NOMO1: variants seen among roughly 807,000 people sequenced by gnomAD.
The protein encoded by NOMO1 is nodal modulator 3.
NOMO1 carries 40 observed loss-of-function variants against 133.8 expected under a neutral mutation model. That is an observed-to-expected ratio of 0.30 (90% CI 0.23 to 0.39). The LOEUF (loss-of-function observed/expected upper bound fraction) is 0.39, where lower values mean the gene tolerates loss of function less well. Among genes scored for constraint, NOMO1 ranks in the 10% least tolerant of loss-of-function variants. NOMO1 has a pLI of 1.00. For synonymous variants in NOMO1, 236 were observed against 570.5 expected (o/e 0.41, Z 8.36); for missense variants, 462 against 1,419.9 (o/e 0.33, Z 10.84).
intron 15 of NOMO1, among the ~76,000 whole-genome samples, chr16:14,867,398 A>G (rs1438822892): frequency 1.7e-5 from 1 of 60,320 alleles, no homozygotes; most frequent in African/African-American, 4.1e-5. Flanking sequence ...ACAGAGTTCC[A>G]CCATGTTGGC....
rs747642277 is a variant in NOMO1 at position 14,838,533 on chromosome 16, C to T, written c.255+37C>T. ...CTGCTTGTCACTTATGATGGGAAAT[C>T]ACTAGTGTGCCTCACCAGGCTGCAT... On this transcript the variant is annotated intron_variant, in intron 2 of 30. Coordinates refer to ENST00000287667, the MANE Select transcript of NOMO1 (RefSeq NM_014287.4). 11 of 1,611,724 alleles carry T rather than the reference C, an allele frequency of 6.8e-6. No individual in the cohort carries two copies. In the East Asian group the frequency reaches 2.5e-4, roughly 36 times the overall value.
In NOMO1 at chr16:14,884,225, G is replaced by A. The variant is rs1964287543; in HGVS notation, c.3112-147G>A. On this transcript the variant is annotated intron_variant, in intron 26 of 30. Transcript: ENST00000287667. ...CCATCTTCTGTCAGTTTGTGACCTTGGACGTAGGGTACTCAATGACAAACT... is the reference window on the plus strand; with the variant it reads ...CCATCTTCTGTCAGTTTGTGACCTTAGACGTAGGGTACTCAATGACAAACT... 2.5e-6 allele frequency: 3 copies of A among 1,179,946 alleles called. No homozygotes were observed. In the South Asian group the frequency reaches 4.2e-5, roughly 17 times the overall value. The allele number at this position is 1,179,946 out of a possible 1,614,324, so 73.1% of individuals were successfully genotyped here. A position where few individuals can be genotyped will look rare whatever the true frequency, so the allele number is the denominator to read the frequency against.
rs375182065 is a variant in NOMO1 at position 14,886,114 on chromosome 16, G to A, written c.3223-647G>A. 2.6e-3 allele frequency among the ~76,000 whole-genome samples: 394 copies of A among 152,128 alleles called. 2 individuals are homozygous for A. The highest frequency in any genetic ancestry group is 3.6e-3 in the Non-Finnish European group (248 of 68,028). ...CTTAACCCTGCTCATGCCCCATGCC[G>A]TGTGGGAGTGAGAACAGGCAAGAAC... is the stretch of plus-strand genomic sequence containing the variant. On this transcript the variant is annotated intron_variant, in intron 27 of 30. Coordinates refer to ENST00000287667, the MANE Select transcript of NOMO1 (RefSeq NM_014287.4).
chr16:14,882,544 G>C (rs568686384), intron 25 of NOMO1, 50 bp from the exon 26 acceptor site: 2 of 1,611,354 alleles, frequency 1.2e-6, no homozygotes, highest in Non-Finnish European at 8.5e-7. Context: ...GACCAGGCAC[G>C]ATACGACAAG....
At chr16:14,839,597 AT>A (rs1880045896) in intron 2 of NOMO1, among the ~76,000 whole-genome samples, 2 of 149,444 alleles carry the variant, frequency 1.3e-5, no homozygotes, top group African/African-American at 2.5e-5. Context: ...ATTTTGATAT[AT>A]TTTTTAATAC....
chr16:14,845,687 C>G (rs907725054), intron 4 of NOMO1, among the ~76,000 whole-genome samples: 1 of 151,916 alleles, frequency 6.6e-6, no homozygotes, highest in African/African-American at 2.4e-5. Flanking sequence ...GGACTTCTTT[C>G]TCCTCTACCT....
chr16:14,856,690 G>C (rs1191643155), intron 9 of NOMO1, among the ~76,000 whole-genome samples: 1 of 151,986 alleles, frequency 6.6e-6, no homozygotes, highest in Non-Finnish European at 1.5e-5. Context: ...GGGATTACAG[G>C]CGTGAACCAC....
chr16:14,880,496 A>G (rs945711093), intron 24 of NOMO1, among the ~76,000 whole-genome samples: 22 of 151,644 alleles, frequency 1.5e-4, no homozygotes, highest in Non-Finnish European at 1.6e-4. Flanking sequence ...GGTTCCAGCA[A>G]TTCTCTTGTC....
intron 28 of NOMO1, among the ~76,000 whole-genome samples, chr16:14,887,297 C>CTTT (rs926466954): frequency 6.8e-6 from 1 of 146,034 alleles, no homozygotes; most frequent in African/African-American, 2.5e-5. Context: ...TCAAATCTTT[C>CTTT]TTTTTTTTTT....
chr16:14,887,855 C>T (rs1407310048), intron 28 of NOMO1, among the ~76,000 whole-genome samples: 1 of 151,556 alleles, frequency 6.6e-6, no homozygotes, highest in African/African-American at 2.4e-5. Flanking sequence ...AGATGAGTTG[C>T]TTTTCTCTTG....
Position 14,889,153 on chromosome 16 carries a change from C to T in NOMO1, c.3382C>T (p.Pro1128Ser), listed in dbSNP as rs1431658159. Residue 1128 changes from proline (P) to serine (S), a missense_variant, in exon 29 of 31, where the codon CCT becomes TCT. Transcript: ENST00000287667. ...CAGATCCCAGTATGACTACATCTTG[C>T]CTCAAGTTTCTTTCACCGCAGTGGG... ...LPRSQYDYIL[P>S]QVSFTAVGYH... The T allele has an allele frequency of 1.2e-6, 2 of 1,611,660 alleles. No homozygotes were observed. The highest frequency in any genetic ancestry group is 2.2e-5 in the South Asian group (2 of 90,954).
At chr16:14,849,635 T>G (rs1963726975) in intron 6 of NOMO1, among the ~76,000 whole-genome samples, 1 of 147,508 alleles carries the variant, frequency 6.8e-6, no homozygotes, top group Non-Finnish European at 1.5e-5. Flanking sequence ...TTGCCAAGAC[T>G]GGAGTGCAGT....
chr16:14,871,179 C>T (rs1964075932), intron 16 of NOMO1, among the ~76,000 whole-genome samples: 1 of 151,740 alleles, frequency 6.6e-6, no homozygotes, highest in South Asian at 2.1e-4. Context: ...TTTTCTGGGG[C>T]TTCCCTTACT....
intron 6 of NOMO1, among the ~76,000 whole-genome samples, chr16:14,851,439 G>A (rs1181064144): frequency 2.0e-5 from 3 of 148,460 alleles, no homozygotes; most frequent in Non-Finnish European, 3.0e-5. Context: ...CACATATTGT[G>A]AAAAGAACAA....
At chr16:14,866,890 G>A (rs1268133081) in intron 15 of NOMO1, among the ~76,000 whole-genome samples, 199 bp downstream of exon 15, 2 of 149,638 alleles carry the variant, frequency 1.3e-5, no homozygotes, top group African/African-American at 5.0e-5. Flanking sequence ...TATTTAGGAG[G>A]TTTCCTTGTC....
chr16:14,862,814 CTGAAGGTTGCTTTTTAAAACCAGAA>C (rs1447255353), intron 11 of NOMO1, 174 bp from the exon 12 acceptor site: 28 of 597,472 alleles, frequency 4.7e-5, no homozygotes, highest in African/African-American at 4.3e-4. Context: ...AGTCTTGCTT[CTGAAGGTTGCTTTTTAAAACCAGAA>C]TGAAGGTTGC....
intron 28 of NOMO1, among the ~76,000 whole-genome samples, chr16:14,887,770 A>C: frequency 6.6e-6 from 1 of 152,118 alleles, no homozygotes; most frequent in Non-Finnish European, 1.5e-5. Context: ...TAATTTTTAA[A>C]AATTCCTCTA....
chr16:14,839,655 CCT>C (rs1356487143), intron 2 of NOMO1, among the ~76,000 whole-genome samples: 2 of 150,728 alleles, frequency 1.3e-5, no homozygotes, highest in East Asian at 2.0e-4. Context: ...CATTTTTTCC[CCT>C]GTGTTAATGC....
intron 16 of NOMO1, among the ~76,000 whole-genome samples, 174 bp from the exon 17 acceptor site, chr16:14,871,447 C>A (rs1353551427): frequency 1.3e-5 from 2 of 152,094 alleles, no homozygotes; most frequent in East Asian, 1.9e-4. Flanking sequence ...TGGTAAGACG[C>A]CTTCATAGGC....
Sources: gnomAD v4.1 joint callset for allele counts (sites outside exome capture counted in the v4.1 genomes callset) on GRCh38, gnomAD v4.1.1 for gene constraint, MANE v1.5 for transcripts, NCBI Gene and HGNC (gene_info 2026-07-23, HGNC 2026-07-21) for gene names.